AR: variants seen among roughly 807,000 people sequenced by gnomAD.
The protein encoded by AR is androgen receptor.
Under a neutral mutation model 53.9 loss-of-function variants are expected in AR, and 8 were observed. The ratio of observed to expected loss-of-function variants is 0.15; its 90% confidence interval spans 0.09 to 0.27. AR has a LOEUF of 0.27. Among genes scored for constraint, AR ranks in the 10% least tolerant of loss-of-function variants. AR has a pLI of 1.00. For synonymous variants in AR, 359 were observed against 316.4 expected, an observed-to-expected ratio of 1.13 and a Z score of -1.43; for missense variants, 639 against 742.5, an observed-to-expected ratio of 0.86 and a Z score of 1.62.
At chrX:67,564,367 A>G (rs1056062550) in intron 1 of AR, among the ~76,000 whole-genome samples, 1 of 111,214 alleles carries the variant, frequency 9.0e-6, no homozygotes. Flanking sequence ...GACTCTGGAG[A>G]GCATCTACTA....
intron 1 of AR, among the ~76,000 whole-genome samples, chrX:67,632,566 C>A (rs949118182): frequency 8.9e-6 from 1 of 112,204 alleles, no homozygotes; most frequent in South Asian, 3.7e-4. Context: ...GATGAGCCCG[C>A]TACCTCAGAT....
rs1010732110 is a variant in AR, at chrX:67,544,680, C to G, written c.-467C>G. The G allele has an allele frequency of 5.8e-6, 1 of 172,266 alleles. No homozygotes were observed. The highest frequency in any genetic ancestry group is 1.1e-5 in the Non-Finnish European group (1 of 91,633). The allele number at this position is 172,266 out of a possible 1,213,427, so 14.2% of individuals were successfully genotyped here. The stretch of plus-strand genomic sequence containing the variant: ...TCTCCACCTCCTCCTGCCTTCCCCA[C>G]CCCGAGTGCGGAGCCAGAGATCAAA... On this transcript the variant is annotated 5_prime_UTR_variant, in exon 1 of 8. Transcript: ENST00000374690.
At chrX:67,663,528 C>A (rs1278275100) in intron 2 of AR, among the ~76,000 whole-genome samples, 1 of 112,229 alleles carries the variant, frequency 8.9e-6, no homozygotes, top group Non-Finnish European at 1.9e-5. Flanking sequence ...TTGTGGGGAA[C>A]CTGACCTGTT....
Position 67,725,529 on chromosome X carries a change from A to G in AR, c.*1688A>G, listed in dbSNP as rs1218965970. On this transcript the variant is annotated 3_prime_UTR_variant, in exon 8 of 8. Coordinates refer to ENST00000374690, the MANE Select transcript of AR (RefSeq NM_000044.6). ...GCAAATGCTCTTCTTGTCACCCAGC[A>G]TATCCACCTGCAGAAGTCATGAGAA... 5.7e-6 allele frequency: 1 copy of G among 174,316 alleles called. No homozygotes were observed. Among genetic ancestry groups the G allele is most frequent in the Non-Finnish European group, 1.1e-5 (1 of 91,547 alleles). The allele number at this position is 174,316 out of a possible 1,213,427, so 14.4% of individuals were successfully genotyped here.
chrX:67,687,003 A>C (rs771821170), intron 3 of AR, among the ~76,000 whole-genome samples: 1 of 111,838 alleles, frequency 8.9e-6, no homozygotes, highest in Admixed American at 9.5e-5. Context: ...TGTGTCTTTC[A>C]TGAGAAAAAC....
chrX:67,662,201 C>T (rs1926966062), intron 2 of AR, among the ~76,000 whole-genome samples: 2 of 111,579 alleles, frequency 1.8e-5, no homozygotes. Flanking sequence ...TTCAGTTCTG[C>T]TCTGATCTTA....
At chrX:67,573,903 A>C (rs151184970) in intron 1 of AR, among the ~76,000 whole-genome samples, 2,403 of 112,299 alleles carry the variant, frequency 0.021, 38 homozygotes, top group Non-Finnish European at 0.033. Flanking sequence ...TAACTACTAA[A>C]AAATAGTTTA....
At position 67,727,571 on chromosome X, in the gene AR, A is replaced by AGAT. The variant is rs2076162894; in HGVS notation, c.*3732_*3734dup. On this transcript the variant is annotated 3_prime_UTR_variant, in exon 8 of 8. Transcript: ENST00000374690. The stretch of plus-strand genomic sequence containing the variant: ...GTGTTTGTTTCATTAGGCACAGCAC[A>AGAT]GATGTGGCCTTTCCCCCCTTCTCTC... The AGAT allele has an allele frequency of 5.8e-6, 1 of 173,149 alleles. No homozygotes were observed. Among genetic ancestry groups the AGAT allele is most frequent in the African/African-American group, 2.9e-5 (1 of 34,058 alleles). The allele number at this position is 173,149 out of a possible 1,213,427, so 14.3% of individuals were successfully genotyped here.
intron 1 of AR, among the ~76,000 whole-genome samples, chrX:67,618,121 C>G (rs1192178569): frequency 9.0e-6 from 1 of 111,575 alleles, no homozygotes; most frequent in Non-Finnish European, 1.9e-5. Context: ...TTTTGTTCAA[C>G]TTTATCTTAA....
intron 1 of AR, among the ~76,000 whole-genome samples, chrX:67,606,073 G>A (rs1398768798): frequency 9.0e-6 from 1 of 111,318 alleles, no homozygotes; most frequent in Non-Finnish European, 1.9e-5. Context: ...AAATTTCATA[G>A]TGTACATGAG....
chrX:67,683,651 G>A lies in AR; in HGVS notation c.1769-2359G>A, dbSNP rs187336892. 5.3e-5 allele frequency among the ~76,000 whole-genome samples: 6 copies of A among 112,594 alleles called. No homozygotes were observed. The East Asian group carries it at 1.7e-3, about 32-fold the overall frequency. On this transcript the variant is annotated intron_variant, in intron 2 of 7. Coordinates refer to ENST00000374690, the MANE Select transcript of AR (RefSeq NM_000044.6). ...GATTTGTGTATTTTTGTTCATTAGAGATTTTCCTCTGTAACCTCAATATCC... is the reference window on the plus strand; with the variant it reads ...GATTTGTGTATTTTTGTTCATTAGAAATTTTCCTCTGTAACCTCAATATCC...
intron 5 of AR, 80 bp from the exon 6 acceptor site, chrX:67,721,753 G>C: frequency 8.5e-7 from 1 of 1,170,230 alleles, no homozygotes; most frequent in Non-Finnish European, 1.2e-6. Flanking sequence ...CCTGGCGAGG[G>C]ATGGCAATCA....
At chrX:67,709,832 T>A (rs1396284509) in intron 3 of AR, among the ~76,000 whole-genome samples, 1 of 112,081 alleles carries the variant, frequency 8.9e-6, no homozygotes, top group Non-Finnish European at 1.9e-5. Context: ...GGAAATGGAA[T>A]ACCATAAAAT....
intron 1 of AR, among the ~76,000 whole-genome samples, chrX:67,587,281 C>T (rs1031202317): frequency 2.7e-5 from 3 of 112,349 alleles, no homozygotes; most frequent in African/African-American, 9.7e-5. Context: ...ATGTGTGCAT[C>T]CTTGCTGGAA....
intron 2 of AR, among the ~76,000 whole-genome samples, chrX:67,682,333 G>A (rs2075939802): frequency 9.0e-6 from 1 of 111,371 alleles, no homozygotes; most frequent in South Asian, 3.9e-4. Flanking sequence ...CACCCAGGCT[G>A]GAGTGCAGTA....
At chrX:67,621,204 T>C (rs148292912) in intron 1 of AR, among the ~76,000 whole-genome samples, 7,062 of 111,353 alleles carry the variant, frequency 0.063, 254 homozygotes, top group Middle Eastern at 0.18. Context: ...CCTGGTCAAT[T>C]CTCTGTCTCT....
intron 1 of AR, among the ~76,000 whole-genome samples, chrX:67,564,543 T>A (rs1921472700): frequency 8.9e-6 from 1 of 111,868 alleles, no homozygotes; most frequent in African/African-American, 3.3e-5. Context: ...CCATTTTTTC[T>A]AGATTTTTCT....
rs186704411 is a variant in AR, at chrX:67,688,524, C to A, written c.1885+2398C>A. Reference sequence around the variant, plus strand: ...ACACAGCACTTCCCGATGGCTTTTACCCTAAGTAACTTGGTATGCCATATA... The same window carrying A: ...ACACAGCACTTCCCGATGGCTTTTAACCTAAGTAACTTGGTATGCCATATA... On this transcript the variant is annotated intron_variant, in intron 3 of 7. Transcript: ENST00000374690. Among the ~76,000 whole-genome samples, 327 of 111,508 alleles carry A rather than the reference C, an allele frequency of 2.9e-3. 2 individuals are homozygous for A. Among genetic ancestry groups the A allele is most frequent in the Admixed American group, 5.2e-3 (55 of 10,501 alleles).
intron 2 of AR, among the ~76,000 whole-genome samples, chrX:67,674,307 G>A (rs952630244): frequency 5.4e-5 from 6 of 110,249 alleles, no homozygotes; most frequent in Non-Finnish European, 1.1e-4. Flanking sequence ...GCACAGCACT[G>A]AGTCTCGCCC....
Sources: allele counts gnomAD v4.1 joint callset (sites outside exome capture counted in the v4.1 genomes callset), GRCh38; gene constraint gnomAD v4.1.1; transcripts MANE v1.5; gene names NCBI Gene and HGNC (gene_info 2026-07-23, HGNC 2026-07-21).